The following KCNN2 variants were observed in gnomAD, a reference collection of about 807,000 sequenced individuals.
KCNN2 encodes the protein potassium calcium-activated channel subfamily N member 2, also known as small conductance calcium-activated potassium channel protein 2.
KCNN2 carries 24 observed loss-of-function variants against 55.5 expected under a neutral mutation model. The ratio of observed to expected loss-of-function variants is 0.43; its 90% CI spans 0.31 to 0.61. The LOEUF (loss-of-function observed/expected upper bound fraction) is 0.61, where lower values mean the gene tolerates loss of function less well. Ranked by LOEUF, KCNN2 falls within the 20% of genes least tolerant of loss-of-function variation. KCNN2 has a pLI of 0.08. For synonymous variants in KCNN2, 431 were observed against 336.1 expected, an observed-to-expected ratio of 1.28 and a Z score of -3.09; for missense variants, 754 against 853.6, an observed-to-expected ratio of 0.88 and a Z score of 1.45.
chr5:114,218,378 A>G (rs1196584912), intron 1 of KCNN2, among the ~76,000 whole-genome samples: 1 of 152,238 alleles, frequency 6.6e-6, no homozygotes, highest in Non-Finnish European at 1.5e-5. Context: ...AAACTATGGT[A>G]TATCCAGACA....
upstream of KCNN2, among the ~76,000 whole-genome samples, chr5:114,357,178 CTT>C (rs1757310431): frequency 6.6e-6 from 1 of 151,920 alleles, no homozygotes; most frequent in Non-Finnish European, 1.5e-5. Context: ...GAGAACCCTG[CTT>C]TTTAAGGTAC....
At chr5:114,384,136 A>G (rs1328655510) in intron 2 of KCNN2, among the ~76,000 whole-genome samples, 1 of 152,180 alleles carries the variant, frequency 6.6e-6, no homozygotes, top group Admixed American at 6.5e-5. Context: ...AATGTATGAG[A>G]AAAGTTGTAC....
chr5:114,281,732 G>T (rs1167019786), intron 2 of KCNN2, among the ~76,000 whole-genome samples: 7 of 140,912 alleles, frequency 5.0e-5, no homozygotes, highest in Admixed American at 2.9e-4. Context: ...TAATTTTTAA[G>T]CATATACTAT....
intron 2 of KCNN2, among the ~76,000 whole-genome samples, chr5:114,264,801 C>A (rs1755177151): frequency 1.3e-5 from 2 of 152,164 alleles, no homozygotes; most frequent in African/African-American, 4.8e-5. Flanking sequence ...CCAGAGGCCC[C>A]CATCTTCTGC....
At chr5:114,134,677 A>G (rs1752138881) in intron 1 of KCNN2, among the ~76,000 whole-genome samples, 2 of 151,884 alleles carry the variant, frequency 1.3e-5, no homozygotes, top group African/African-American at 4.8e-5. Flanking sequence ...GAGTTTCACC[A>G]TCTTGGCCAG....
At chr5:114,440,451 A>G (rs1341552190) in intron 3 of KCNN2, among the ~76,000 whole-genome samples, 1 of 152,218 alleles carries the variant, frequency 6.6e-6, no homozygotes, top group Non-Finnish European at 1.5e-5. Context: ...ATGAGATCCC[A>G]GAAAGGATTT....
At chr5:114,292,456 C>T (rs1237445189) in intron 2 of KCNN2, among the ~76,000 whole-genome samples, 1 of 152,184 alleles carries the variant, frequency 6.6e-6, no homozygotes, top group Non-Finnish European at 1.5e-5. Flanking sequence ...GGAATCCTTT[C>T]CCCATTGCTT....
intron 1 of KCNN2, among the ~76,000 whole-genome samples, chr5:114,172,984 G>C (rs1348992550): frequency 1.3e-5 from 2 of 151,776 alleles, no homozygotes; most frequent in East Asian, 3.9e-4. Context: ...GTGCTTGTGG[G>C]GTATTACTCC....
At chr5:114,065,570 G>T (rs1465627289) in intron 1 of KCNN2, among the ~76,000 whole-genome samples, 4 of 152,158 alleles carry the variant, frequency 2.6e-5, no homozygotes, top group African/African-American at 9.7e-5. Flanking sequence ...CATATGCTTA[G>T]TATCAACATA....
Position 114,496,050 on chromosome 5 carries a change from G to A in KCNN2, c.2244G>A (p.Gln748=). 6.2e-7 allele frequency: 1 copy of A among 1,614,088 alleles called. No individual in the cohort carries two copies. The highest frequency in any genetic ancestry group is 8.5e-7 in the Non-Finnish European group (1 of 1,179,992). The change falls in exon 8 of 8, where the codon CAG becomes CAA. Residue 748 remains glutamine, a synonymous_variant. Coordinates refer to ENST00000673685, the MANE Select transcript of KCNN2 (RefSeq NM_021614.4). ...GLISQTIRQQ[Q]RDFIEAQMES... ...TAAGCCAGACCATCAGGCAGCAGCA[G>A]AGAGATTTCATTGAGGCTCAGATGG... is the stretch of plus-strand genomic sequence containing the variant.
Position 114,363,045 on chromosome 5 carries a change from T to TGGA in KCNN2, c.912_914dup (p.Gly310dup), listed in dbSNP as rs1757490110. On this transcript the variant is annotated inframe_insertion, in exon 1 of 8. Coordinates refer to ENST00000673685, the MANE Select transcript of KCNN2 (RefSeq NM_021614.4). ...ATGGAACCGGCGGCGGAGGCAGCAC[T>TGGA]GGAGGAGGCGGCGGCGGTGGCGGGA... is the stretch of plus-strand genomic sequence containing the variant. The TGGA allele has an allele frequency of 1.2e-6, 2 of 1,606,506 alleles. No homozygotes were observed.
chr5:114,451,577 A>G (rs1192388714), intron 3 of KCNN2, among the ~76,000 whole-genome samples: 1 of 152,158 alleles, frequency 6.6e-6, no homozygotes. Flanking sequence ...TTGGCATTTT[A>G]GAGTCAATAA....
At chr5:114,101,575 TC>T (rs1751373757) in intron 1 of KCNN2, among the ~76,000 whole-genome samples, 1 of 151,970 alleles carries the variant, frequency 6.6e-6, no homozygotes. Context: ...CCTAATGCTG[TC>T]CCTCCCCTTA....
intron 3 of KCNN2, among the ~76,000 whole-genome samples, chr5:114,420,090 T>C (rs1344731884): frequency 6.6e-6 from 1 of 152,246 alleles, no homozygotes; most frequent in Non-Finnish European, 1.5e-5. Flanking sequence ...TCTCCTAGAT[T>C]TTAACTTCAT....
At chr5:114,062,374 C>T (rs73258311) in intron 1 of KCNN2, among the ~76,000 whole-genome samples, 178 of 152,176 alleles carry the variant, frequency 1.2e-3, no homozygotes, top group African/African-American at 3.9e-3. Context: ...GAAAGAGCAC[C>T]CTACCTCCAC....
At chr5:114,182,797 TATATC>T (rs2112554975) in intron 1 of KCNN2, among the ~76,000 whole-genome samples, 1 of 152,254 alleles carries the variant, frequency 6.6e-6, no homozygotes, top group Non-Finnish European at 1.5e-5. Context: ...TGTGAACAAT[TATATC>T]ATTTGCATAT....
At chr5:114,486,863 T>G in intron 5 of KCNN2, 187 bp from the exon 6 acceptor site, 1 of 1,161,786 alleles carries the variant, frequency 8.6e-7, no homozygotes, top group Non-Finnish European at 1.2e-6. Context: ...AATTTAAGTG[T>G]TGTTCCCAGG....
intron 2 of KCNN2, among the ~76,000 whole-genome samples, chr5:114,341,987 A>C (rs1413289965): frequency 1.3e-5 from 2 of 150,608 alleles, no homozygotes; most frequent in Non-Finnish European, 1.5e-5. Flanking sequence ...CTGCAAGCTC[A>C]GCCTCCTGGG....
At chr5:114,253,858 A>G (rs1018845859) in intron 2 of KCNN2, 5 of 152,174 alleles carry the variant, frequency 3.3e-5, no homozygotes, top group Non-Finnish European at 5.9e-5. Flanking sequence ...TCATGGTTGT[A>G]TTAGATTGTT....
Sources: allele counts gnomAD v4.1 joint callset (sites outside exome capture counted in the v4.1 genomes callset), GRCh38; gene constraint gnomAD v4.1.1; transcripts MANE v1.5; gene names NCBI Gene and HGNC (gene_info 2026-07-23, HGNC 2026-07-21).